Variants in DTNBP1 observed in about 807,000 individuals in gnomAD.
DTNBP1 encodes the protein dysbindin.
In DTNBP1, 35 loss-of-function variants were observed where a neutral mutation model predicts 42.8. That is an observed-to-expected ratio of 0.82 (90% CI 0.63 to 1.09). The LOEUF (loss-of-function observed/expected upper bound fraction) is 1.09, where lower values mean the gene tolerates loss of function less well. DTNBP1 is among the 50% of genes least tolerant of loss of function. The probability of loss-of-function intolerance (pLI) is 0.00; values close to 1 mark genes in which losing one functional copy is unlikely to be tolerated. For missense variants in DTNBP1, 457 were observed against 424.2 expected (o/e 1.08, Z -0.68); for synonymous variants, 171 against 162.2 (o/e 1.05, Z -0.41).
chr6:15,559,495 T>C (rs1161628457), intron 7 of DTNBP1, among the ~76,000 whole-genome samples: 1 of 152,190 alleles, frequency 6.6e-6, no homozygotes, highest in African/African-American at 2.4e-5. Context: ...AACCAGTTCA[T>C]TGGCTAGACT....
At chr6:15,595,098 G>T in intron 6 of DTNBP1, 3 of 456,080 alleles carry the variant, frequency 6.6e-6, no homozygotes, top group South Asian at 4.6e-5. Context: ...GTCACACAGC[G>T]TCATGACCCA....
At chr6:15,605,612 T>A (rs1476207900) in intron 6 of DTNBP1, among the ~76,000 whole-genome samples, 1 of 152,224 alleles carries the variant, frequency 6.6e-6, no homozygotes, top group Non-Finnish European at 1.5e-5. Context: ...CCTAAGAATA[T>A]AAGCTGACCC....
intron 6 of DTNBP1, among the ~76,000 whole-genome samples, chr6:15,593,904 T>C (rs775243761): frequency 2.6e-5 from 4 of 152,194 alleles, no homozygotes; most frequent in Non-Finnish European, 5.9e-5. Context: ...TAGAGATGTT[T>C]TGAATTCTTA....
At chr6:15,599,127 T>G (rs1776625121) in intron 6 of DTNBP1, among the ~76,000 whole-genome samples, 1 of 152,150 alleles carries the variant, frequency 6.6e-6, no homozygotes. Context: ...CTTGCAAGAA[T>G]CATTTCCCTA....
intron 7 of DTNBP1, among the ~76,000 whole-genome samples, chr6:15,567,455 G>A (rs1469999578): frequency 5.1e-5 from 5 of 97,796 alleles, no homozygotes; most frequent in East Asian, 6.7e-4. Context: ...TCTGTCTCTC[G>A]GGAAACAAAC....
intron 7 of DTNBP1, among the ~76,000 whole-genome samples, chr6:15,534,282 A>G: frequency 6.6e-6 from 1 of 152,188 alleles, no homozygotes; most frequent in East Asian, 1.9e-4. Flanking sequence ...TATATTTAAT[A>G]CCACTCAGCT....
intron 5 of DTNBP1, among the ~76,000 whole-genome samples, chr6:15,621,740 G>A (rs942730714): frequency 3.9e-5 from 6 of 152,124 alleles, no homozygotes; most frequent in Admixed American, 3.9e-4. Context: ...GCCACAAACT[G>A]TTTACTTCAC....
intron 5 of DTNBP1, 111 bp from the exon 6 acceptor site, chr6:15,615,510 T>G (rs1330160255): frequency 7.2e-7 from 1 of 1,398,380 alleles, no homozygotes; most frequent in Non-Finnish European, 9.9e-7. Flanking sequence ...GTTTTGCATT[T>G]TTAATGTTTT....
chr6:15,663,029 A>C, upstream of DTNBP1: 1 of 973,678 alleles, frequency 1.0e-6, no homozygotes, highest in Non-Finnish European at 1.4e-6. Context: ...CCGCAACCCC[A>C]GCCCCTTCCG....
At chr6:15,612,044 A>G (rs1758436848) in intron 6 of DTNBP1, among the ~76,000 whole-genome samples, 1 of 152,258 alleles carries the variant, frequency 6.6e-6, no homozygotes, top group South Asian at 2.1e-4. Context: ...ACAGCAACGC[A>G]TGCTGCAGAG....
At chr6:15,558,512 C>G (rs2113460477) in intron 7 of DTNBP1, among the ~76,000 whole-genome samples, 1 of 152,218 alleles carries the variant, frequency 6.6e-6, no homozygotes, top group East Asian at 1.9e-4. Flanking sequence ...GGTGATCCAC[C>G]CGCCTAAGCC....
At chr6:15,631,753 G>A (rs952119580) in intron 4 of DTNBP1, among the ~76,000 whole-genome samples, 15 of 152,126 alleles carry the variant, frequency 9.9e-5, no homozygotes, top group Non-Finnish European at 1.5e-4. Flanking sequence ...GCCCCTGCAG[G>A]TTGGATGTAA....
chr6:15,639,710 T>C (rs1760227918), intron 3 of DTNBP1, among the ~76,000 whole-genome samples: 1 of 152,262 alleles, frequency 6.6e-6, no homozygotes, highest in Admixed American at 6.5e-5. Context: ...TGCTGAGATA[T>C]AAATTTTACT....
At chr6:15,523,479 G>A (rs1248434521) in intron 9 of DTNBP1, 1 of 1,285,848 alleles carries the variant, frequency 7.8e-7, no homozygotes, top group African/African-American at 1.5e-5. Flanking sequence ...TCCTAAGGCT[G>A]TAATACGCGT....
intron 1 of DTNBP1, 97 bp from the exon 2 acceptor site, chr6:15,652,237 A>C (rs937928864): frequency 3.1e-6 from 3 of 965,312 alleles, no homozygotes; most frequent in African/African-American, 3.3e-5. Flanking sequence ...GCTGGAGTGC[A>C]GTGACATGTA....
chr6:15,560,103 C>G (rs1341311300), intron 7 of DTNBP1, among the ~76,000 whole-genome samples: 2 of 152,114 alleles, frequency 1.3e-5, no homozygotes, highest in African/African-American at 4.8e-5. Context: ...GTCAGGATAT[C>G]AAGACCATCC....
In DTNBP1 at chr6:15,615,832, C is replaced by T. The variant is rs574121345; in HGVS notation, c.356-433G>A. Among the ~76,000 whole-genome samples the T allele has an allele frequency of 1.1e-4, 16 of 152,304 alleles. 1 individual carries two copies. The highest frequency in any genetic ancestry group is 3.4e-4 in the African/African-American group (14 of 41,562). ...ACTTAATATCTGTGTTTCTAAATTA[C>T]GTTAGCATTTGTTTTGCCTCTGGCA... On this transcript the variant is annotated intron_variant, in intron 5 of 9. Coordinates refer to ENST00000344537, the MANE Select transcript of DTNBP1 (RefSeq NM_032122.5).
intron 7 of DTNBP1, among the ~76,000 whole-genome samples, chr6:15,582,812 T>A (rs1775897398): frequency 6.6e-6 from 1 of 152,190 alleles, no homozygotes. Context: ...TTATTAAGTA[T>A]CCTATGCTAC....
At chr6:15,537,407 C>T (rs560686021) in intron 7 of DTNBP1, among the ~76,000 whole-genome samples, 42 of 149,330 alleles carry the variant, frequency 2.8e-4, no homozygotes, top group African/African-American at 8.5e-4. Context: ...CCAGCCTGGG[C>T]GACAGCGTGA....
Sources: gnomAD v4.1 joint callset for allele counts (sites outside exome capture counted in the v4.1 genomes callset) on GRCh38, gnomAD v4.1.1 for gene constraint, MANE v1.5 for transcripts, NCBI Gene and HGNC (gene_info 2026-07-23, HGNC 2026-07-21) for gene names.